The following ANXA10 variants were observed in gnomAD, a reference collection of about 807,000 sequenced individuals.
ANXA10 encodes the protein annexin A10.
ANXA10 carries 49 observed loss-of-function variants against 53.5 expected under a neutral mutation model. The ratio of observed to expected loss-of-function variants is 0.92; its 90% CI spans 0.73 to 1.16. ANXA10 has a LOEUF of 1.16. Among genes scored for constraint, ANXA10 ranks in the 50% most tolerant of loss-of-function variants. The pLI is 0.00. For synonymous variants in ANXA10, 131 were observed against 128.9 expected (o/e 1.02, Z -0.11); for missense variants, 393 against 394.4 (o/e 1.00, Z 0.03).
At chr4:168,118,041 A>G (rs886461795) in intron 1 of ANXA10, among the ~76,000 whole-genome samples, 4 of 152,138 alleles carry the variant, frequency 2.6e-5, no homozygotes, top group Non-Finnish European at 5.9e-5. Flanking sequence ...AAACCCACAC[A>G]GACATAAAGA....
At chr4:168,128,901 T>TAG (rs1731114951) in intron 2 of ANXA10, among the ~76,000 whole-genome samples, 1 of 151,768 alleles carries the variant, frequency 6.6e-6, no homozygotes, top group South Asian at 2.1e-4. Flanking sequence ...AAAAAGTATA[T>TAG]AGAGAGAGAA....
In ANXA10 at chr4:168,187,537, T is replaced by C. The variant is rs925107449; in HGVS notation, c.*103T>C. ...GTTCATGGCACTATTAACAAAACTA[T>C]ACAATCATATTTTCTCTTCTATCTT... On this transcript the variant is annotated 3_prime_UTR_variant, in exon 12 of 12. Transcript: ENST00000359299. 5 of 620,160 alleles carry C rather than the reference T, an allele frequency of 8.1e-6. No individual in the cohort carries two copies. The highest frequency in any genetic ancestry group is 1.9e-5 in the African/African-American group (1 of 52,542). The allele number at this position is 620,160 out of a possible 1,614,324, so 38.4% of individuals were successfully genotyped here. A position where few individuals can be genotyped will look rare whatever the true frequency, so the allele number is the denominator to read the frequency against.
chr4:168,181,010 T>C (rs1732229096), intron 9 of ANXA10, among the ~76,000 whole-genome samples: 1 of 152,152 alleles, frequency 6.6e-6, no homozygotes, highest in African/African-American at 2.4e-5. Flanking sequence ...AGCATTCAAA[T>C]AGATGAACAG....
At chr4:168,164,796 T>G (rs1403740862) in intron 5 of ANXA10, among the ~76,000 whole-genome samples, 1 of 152,188 alleles carries the variant, frequency 6.6e-6, no homozygotes, top group South Asian at 2.1e-4. Flanking sequence ...TTGCGTTATG[T>G]AGTATATGAC....
At chr4:168,101,774 T>C (rs1438115676) in intron 1 of ANXA10, among the ~76,000 whole-genome samples, 1 of 152,164 alleles carries the variant, frequency 6.6e-6, no homozygotes, top group Non-Finnish European at 1.5e-5. Context: ...CTATATTTAC[T>C]TTTGTACATG....
intron 3 of ANXA10, among the ~76,000 whole-genome samples, chr4:168,160,735 T>A (rs889262199): frequency 6.6e-6 from 1 of 152,160 alleles, no homozygotes; most frequent in Non-Finnish European, 1.5e-5. Flanking sequence ...GTTTCTTGAC[T>A]TTTTAGTAAT....
chr4:168,094,468 AAAAG>A (rs1408547971), intron 1 of ANXA10, among the ~76,000 whole-genome samples: 1 of 152,138 alleles, frequency 6.6e-6, no homozygotes, highest in Non-Finnish European at 1.5e-5. Flanking sequence ...TTTAGTGCTA[AAAAG>A]GCCAATATTT....
chr4:168,156,803 C>CCCT (rs1292738974), intron 3 of ANXA10, among the ~76,000 whole-genome samples: 1 of 151,796 alleles, frequency 6.6e-6, no homozygotes, highest in Non-Finnish European at 1.5e-5. Flanking sequence ...ATGCCCGGCC[C>CCCT]CTATTTCTTG....
chr4:168,135,948 C>A (rs913755297), intron 2 of ANXA10, among the ~76,000 whole-genome samples: 1 of 152,134 alleles, frequency 6.6e-6, no homozygotes. Context: ...GTACAGGAAG[C>A]ATGGCTGGGG....
chr4:168,139,470 T>C lies in ANXA10; in HGVS notation c.101-16T>C, dbSNP rs371701670. 1 of 1,606,998 alleles carries C rather than the reference T, an allele frequency of 6.2e-7. No individual in the cohort carries two copies. The highest frequency in any genetic ancestry group is 1.1e-5 in the South Asian group (1 of 90,700). On this transcript the variant is annotated splice_polypyrimidine_tract_variant and intron_variant, in intron 2 of 11. Coordinates refer to ENST00000359299, the MANE Select transcript of ANXA10 (RefSeq NM_007193.5). The stretch of plus-strand genomic sequence containing the variant: ...AGTAGCAACTTTACTAATCTTCAAA[T>C]ATTATTCTTTTCCAGACTGTGACAA...
chr4:168,162,433 T>C (rs1731801522), intron 3 of ANXA10, 95 bp from the exon 4 acceptor site: 3 of 845,338 alleles, frequency 3.5e-6, no homozygotes, highest in South Asian at 1.5e-5. Flanking sequence ...TTAAATGACA[T>C]GGAAAAGAAA....
At chr4:168,174,708 G>C (rs1011658328) in intron 6 of ANXA10, among the ~76,000 whole-genome samples, 1 of 152,302 alleles carries the variant, frequency 6.6e-6, no homozygotes. Flanking sequence ...ACTGGATGTG[G>C]GCTATGAAAA....
chr4:168,164,324 AT>A, intron 5 of ANXA10, 36 bp downstream of exon 5: 2 of 1,435,956 alleles, frequency 1.4e-6, no homozygotes, highest in Non-Finnish European at 1.9e-6. Context: ...TATTTTACAC[AT>A]ATAAGAACTT....
chr4:168,169,885 A>T (rs1731951107), intron 6 of ANXA10, among the ~76,000 whole-genome samples: 1 of 152,198 alleles, frequency 6.6e-6, no homozygotes, highest in Non-Finnish European at 1.5e-5. Flanking sequence ...GACATCTAAG[A>T]ATTAGGATCA....
chr4:168,170,292 C>T (rs2149478729), intron 6 of ANXA10, among the ~76,000 whole-genome samples: 1 of 152,080 alleles, frequency 6.6e-6, no homozygotes, highest in African/African-American at 2.4e-5. Context: ...TTATATATGT[C>T]ATTAAAATTT....
intron 3 of ANXA10, among the ~76,000 whole-genome samples, chr4:168,159,471 C>T (rs1365655474): frequency 1.3e-5 from 2 of 152,138 alleles, no homozygotes; most frequent in East Asian, 3.9e-4. Flanking sequence ...ATTTACTTTA[C>T]CCCTTCCATA....
Position 168,102,786 on chromosome 4 carries a change from C to T in ANXA10, c.18+10068C>T, listed in dbSNP as rs535269729. 6.8e-4 allele frequency among the ~76,000 whole-genome samples: 103 copies of T among 152,104 alleles called. 1 individual carries two copies. The highest frequency in any genetic ancestry group is 2.1e-3 in the African/African-American group (86 of 41,500). ...TTTCTTTTGCGTAAACACTTAGAAG[C>T]AAGATTGCTAGGTCATATGGTAACA... On this transcript the variant is annotated intron_variant, in intron 1 of 11. Coordinates refer to ENST00000359299, the MANE Select transcript of ANXA10 (RefSeq NM_007193.5).
At chr4:168,117,413 AT>A (rs1258181215) in intron 1 of ANXA10, among the ~76,000 whole-genome samples, 1 of 152,208 alleles carries the variant, frequency 6.6e-6, no homozygotes, top group Non-Finnish European at 1.5e-5. Context: ...TATTTGTCTA[AT>A]TTTTGGCAGG....
chr4:168,152,911 A>C (rs527776462), intron 3 of ANXA10, among the ~76,000 whole-genome samples: 44 of 151,958 alleles, frequency 2.9e-4, no homozygotes, highest in African/African-American at 1.0e-3. Flanking sequence ...CGGGACAATC[A>C]CAGCTCACTG....
Sources: allele counts gnomAD v4.1 joint callset (sites outside exome capture counted in the v4.1 genomes callset), GRCh38; gene constraint gnomAD v4.1.1; transcripts MANE v1.5; gene names NCBI Gene and HGNC (gene_info 2026-07-23, HGNC 2026-07-21).